Variants in INO80 observed in about 807,000 individuals in gnomAD.
The protein encoded by INO80 is INO80 complex ATPase subunit.
INO80 carries 20 observed loss-of-function variants against 203.4 expected under a neutral mutation model. That is an observed-to-expected ratio of 0.10 (90% CI 0.07 to 0.14). INO80 has a LOEUF of 0.14. INO80 is among the 10% of genes least tolerant of loss of function. INO80 has a pLI of 1.00. For missense variants in INO80, 1,419 were observed against 1,914.4 expected (o/e 0.74, Z 4.83); for synonymous variants, 726 against 685.2 (o/e 1.06, Z -0.93).
At chr15:41,047,835 T>C (rs1257976787) in intron 22 of INO80, among the ~76,000 whole-genome samples, 4 of 152,212 alleles carry the variant, frequency 2.6e-5, no homozygotes, top group African/African-American at 9.7e-5. Context: ...GTTCTGAACC[T>C]TGGCCTTAAT....
At chr15:41,094,229 CCTT>C (rs2045686777) in intron 4 of INO80, among the ~76,000 whole-genome samples, 2 of 152,194 alleles carry the variant, frequency 1.3e-5, no homozygotes, top group Non-Finnish European at 1.5e-5. Context: ...AACACGAACT[CCTT>C]AACATAGACA....
intron 35 of INO80, among the ~76,000 whole-genome samples, chr15:40,982,082 A>G (rs919080843): frequency 3.3e-5 from 5 of 152,176 alleles, no homozygotes. Context: ...AGAGTACTGC[A>G]TGCATGGCTT....
chr15:41,055,746 G>A (rs1439065208), intron 17 of INO80, among the ~76,000 whole-genome samples: 1 of 152,100 alleles, frequency 6.6e-6, no homozygotes, highest in Non-Finnish European at 1.5e-5. Context: ...AGAAAAATAT[G>A]GCCTGTTGGG....
intron 1 of INO80, among the ~76,000 whole-genome samples, chr15:41,104,816 A>G (rs1437613111): frequency 6.6e-6 from 1 of 152,162 alleles, no homozygotes; most frequent in Non-Finnish European, 1.5e-5. Context: ...CTGGAATTAC[A>G]GGTGTGAGCC....
At chr15:41,070,948 C>T (rs561895093) in intron 12 of INO80, among the ~76,000 whole-genome samples, 81 of 152,332 alleles carry the variant, frequency 5.3e-4, no homozygotes, top group African/African-American at 1.0e-3. Context: ...GCAGGCATAT[C>T]GCATGAGCCC....
intron 14 of INO80, among the ~76,000 whole-genome samples, chr15:41,060,788 C>T (rs888018833): frequency 1.3e-5 from 2 of 152,036 alleles, no homozygotes; most frequent in African/African-American, 4.8e-5. Flanking sequence ...AATTTGCATC[C>T]CCACCAACCC....
intron 22 of INO80, 50 bp downstream of exon 22, chr15:41,048,162 T>A: frequency 7.1e-7 from 1 of 1,399,028 alleles, no homozygotes; most frequent in Non-Finnish European, 1.0e-6. Context: ...ACAAAGAGCA[T>A]CCTGGTAAAA....
intron 24 of INO80, among the ~76,000 whole-genome samples, chr15:41,038,011 CTT>C (rs748525965): frequency 1.1e-4 from 10 of 89,786 alleles, no homozygotes; most frequent in African/African-American, 3.1e-4. Flanking sequence ...CTTCCCTTTT[CTT>C]TTTTTTTTTT....
intron 23 of INO80, among the ~76,000 whole-genome samples, chr15:41,046,993 G>C (rs2044779371): frequency 1.3e-5 from 2 of 150,770 alleles, no homozygotes; most frequent in Non-Finnish European, 2.9e-5. Flanking sequence ...ATTGATCCAG[G>C]CTGGCCTCAA....
intron 28 of INO80, among the ~76,000 whole-genome samples, chr15:41,003,975 G>T (rs2044001437): frequency 6.6e-6 from 1 of 152,176 alleles, no homozygotes; most frequent in Non-Finnish European, 1.5e-5. Context: ...GCTGGAGTAG[G>T]TAAGGACATG....
chr15:41,028,563 T>A (rs1448547573), intron 24 of INO80, among the ~76,000 whole-genome samples: 1 of 152,240 alleles, frequency 6.6e-6, no homozygotes, highest in Non-Finnish European at 1.5e-5. Flanking sequence ...GACAACCATT[T>A]AAAATATATT....
At chr15:41,093,807 C>T (rs145751950) in intron 4 of INO80, among the ~76,000 whole-genome samples, 88 of 151,586 alleles carry the variant, frequency 5.8e-4, no homozygotes, top group African/African-American at 2.0e-3. Context: ...ATTGTGCCAC[C>T]GCACTCCAGC....
At chr15:41,053,871 CT>C (rs1427229181) in intron 19 of INO80, 57 bp downstream of exon 19, 4 of 1,306,654 alleles carry the variant, frequency 3.1e-6, no homozygotes, top group Non-Finnish European at 4.3e-6. Flanking sequence ...ATTTCTCCCC[CT>C]GGAATCTTAA....
intron 27 of INO80, among the ~76,000 whole-genome samples, chr15:41,006,604 T>TG (rs913606171): frequency 3.9e-5 from 6 of 152,218 alleles, no homozygotes; most frequent in African/African-American, 1.2e-4. Flanking sequence ...TTATACTTGG[T>TG]GGGGCATTTT....
chr15:41,046,496 G>T (rs1219695473), intron 23 of INO80, among the ~76,000 whole-genome samples: 1 of 151,628 alleles, frequency 6.6e-6, no homozygotes, highest in Non-Finnish European at 1.5e-5. Context: ...CAAAGTGCTG[G>T]ATTACAGGCA....
chr15:41,001,322 T>C (rs1438498226), intron 28 of INO80, among the ~76,000 whole-genome samples: 1 of 152,066 alleles, frequency 6.6e-6, no homozygotes, highest in East Asian at 1.9e-4. Flanking sequence ...AGCAAAGACA[T>C]GTGTAGGTCT....
chr15:41,089,079 A>G (rs1172711652), intron 5 of INO80, among the ~76,000 whole-genome samples: 4 of 152,210 alleles, frequency 2.6e-5, no homozygotes, highest in Admixed American at 6.5e-5. Flanking sequence ...AGTCCCAGCT[A>G]CTTGGGAGAC....
chr15:41,091,085 C>G (rs1487186776), intron 5 of INO80, among the ~76,000 whole-genome samples: 1 of 152,066 alleles, frequency 6.6e-6, no homozygotes, highest in Non-Finnish European at 1.5e-5. Context: ...CCACCACGCC[C>G]AGCTAATTTT....
intron 1 of INO80, among the ~76,000 whole-genome samples, chr15:41,109,535 C>A (rs980766927): frequency 6.6e-6 from 1 of 151,618 alleles, no homozygotes; most frequent in Non-Finnish European, 1.5e-5. Flanking sequence ...ATGGCTGTAA[C>A]CCCGGCACTT....
Sources: allele counts gnomAD v4.1 joint callset (sites outside exome capture counted in the v4.1 genomes callset), GRCh38; gene constraint gnomAD v4.1.1; transcripts MANE v1.5; gene names NCBI Gene and HGNC (gene_info 2026-07-23, HGNC 2026-07-21).